The following GRK7 variants were observed in gnomAD, a reference collection of about 807,000 sequenced individuals.
The protein encoded by GRK7 is rhodopsin kinase GRK7.
A neutral mutation model predicts 34.1 loss-of-function variants in GRK7; 24 were observed. The ratio of observed to expected loss-of-function variants is 0.70; its 90% CI spans 0.51 to 0.99. GRK7 has a LOEUF of 0.99. Ranked by LOEUF, GRK7 falls within the 50% of genes least tolerant of loss-of-function variation. The pLI, the probability that GRK7 is intolerant of heterozygous loss-of-function variation, is 0.00. For missense variants in GRK7, 644 were observed against 707.3 expected (o/e 0.91, Z 1.02); for synonymous variants, 256 against 279.4 (o/e 0.92, Z 0.84).
chr3:141,757,123 CTTCTTCTTTT>C, the GRK7 span, among the ~76,000 whole-genome samples: 10 of 109,884 alleles, frequency 9.1e-5, no homozygotes, highest in East Asian at 1.4e-3. Context: ...ACGCTTAGAT[CTTCTTCTTTT>C]TTTTTTTTTT....
chr3:141,781,688 T>C (rs868034309), intron 4 of GRK7, among the ~76,000 whole-genome samples: 1 of 152,220 alleles, frequency 6.6e-6, no homozygotes, highest in Non-Finnish European at 1.5e-5. Context: ...TGGATGAAGA[T>C]GATATTTTAA....
At chr3:141,805,125 T>TAC (rs1711016885) in intron 4 of GRK7, among the ~76,000 whole-genome samples, 1 of 151,450 alleles carries the variant, frequency 6.6e-6, no homozygotes, top group African/African-American at 2.4e-5. Flanking sequence ...CACAATCAGA[T>TAC]ACACACACAT....
At chr3:141,775,613 G>A (rs1297260006) in intron 2 of GRK7, among the ~76,000 whole-genome samples, 1 of 152,024 alleles carries the variant, frequency 6.6e-6, no homozygotes, top group Non-Finnish European at 1.5e-5. Context: ...TGCCTGGTTT[G>A]AATTGAAATG....
intron 4 of GRK7, among the ~76,000 whole-genome samples, chr3:141,788,702 G>C (rs977159763): frequency 3.9e-5 from 6 of 152,206 alleles, no homozygotes; most frequent in African/African-American, 1.4e-4. Context: ...TGGCCTGGGA[G>C]GCTGAAACCT....
the GRK7 span, among the ~76,000 whole-genome samples, chr3:141,754,007 T>C: frequency 6.6e-5 from 10 of 152,228 alleles, no homozygotes; most frequent in Non-Finnish European, 1.3e-4. Flanking sequence ...ATTATGTCTT[T>C]GATAAAGCCA....
At chr3:141,801,920 GA>G (rs374463196) in intron 4 of GRK7, among the ~76,000 whole-genome samples, 25 of 151,960 alleles carry the variant, frequency 1.6e-4, no homozygotes, top group Non-Finnish European at 2.4e-4. Flanking sequence ...AAGAATTGGG[GA>G]AAAAAATGGG....
upstream of GRK7, among the ~76,000 whole-genome samples, chr3:141,763,121 C>T (rs1412638514): frequency 6.6e-6 from 1 of 152,228 alleles, no homozygotes; most frequent in Non-Finnish European, 1.5e-5. Flanking sequence ...TAGACCGGAG[C>T]TGTTCCTATT....
chr3:141,778,172 G>A lies in GRK7; in HGVS notation c.-113G>A. The A allele has an allele frequency of 7.4e-7, 1 of 1,349,804 alleles. No homozygotes were observed. The highest frequency in any genetic ancestry group is 1.5e-5 in the South Asian group (1 of 68,172). The allele number at this position is 1,349,804 out of a possible 1,614,324, so 83.6% of individuals were successfully genotyped here. On this transcript the variant is annotated splice_region_variant and 5_prime_UTR_variant, in exon 3 of 6. Coordinates refer to ENST00000682958, the MANE Select transcript of GRK7 (RefSeq NM_139209.3). This position sits in a 1 kb window ranked among gnomAD's most constrained non-coding sequence, Gnocchi z 4.1. ...CACCCTCCACGGGTCCCACCCACAG[G>A]CCACAGGACTCACTGTAAATCCCTT...
intron 3 of GRK7, among the ~76,000 whole-genome samples, chr3:141,779,679 C>T (rs1320679350): frequency 6.6e-6 from 1 of 152,172 alleles, no homozygotes; most frequent in Non-Finnish European, 1.5e-5. Context: ...ATTAATAGTG[C>T]CTCCCCATCC....
chr3:141,813,262 A>G (rs1005864241), intron 5 of GRK7, among the ~76,000 whole-genome samples: 2 of 152,092 alleles, frequency 1.3e-5, no homozygotes, highest in African/African-American at 2.4e-5. Flanking sequence ...AGTAACTGGG[A>G]TTATAGGCAT....
intron 4 of GRK7, among the ~76,000 whole-genome samples, chr3:141,788,415 G>A (rs1339891187): frequency 2.0e-5 from 3 of 151,922 alleles, no homozygotes; most frequent in Admixed American, 2.0e-4. Flanking sequence ...GCTGGGTCCT[G>A]GGCTCTAAAC....
intron 4 of GRK7, among the ~76,000 whole-genome samples, chr3:141,798,895 T>C (rs1157565137): frequency 6.6e-6 from 1 of 152,040 alleles, no homozygotes; most frequent in African/African-American, 2.4e-5. Context: ...GACCAAGAGG[T>C]GAATTTAGTC....
chr3:141,810,108 T>C (rs924785159), intron 5 of GRK7, among the ~76,000 whole-genome samples: 6 of 152,316 alleles, frequency 3.9e-5, no homozygotes, highest in African/African-American at 1.4e-4. Flanking sequence ...AAAGCCTTAA[T>C]AAGAAAAGAC....
rs1329739073 is a variant in GRK7, at chr3:141,763,861, C to A, written c.-2092C>A. On this transcript the variant is annotated 5_prime_UTR_variant, in exon 1 of 6. Transcript: ENST00000682958. ...TTACACCAACAAAATTTCCTCCGTCCTCTTCCCTTCCCTACAAATTCCCTC... is the reference window on the plus strand; with the variant it reads ...TTACACCAACAAAATTTCCTCCGTCATCTTCCCTTCCCTACAAATTCCCTC... 6.6e-6 allele frequency among the ~76,000 whole-genome samples: 1 copy of A among 152,054 alleles called. No homozygotes were observed. The highest frequency in any genetic ancestry group is 1.5e-5 in the Non-Finnish European group (1 of 68,016).
intron 4 of GRK7, among the ~76,000 whole-genome samples, chr3:141,801,242 C>T (rs1267016163): frequency 2.2e-5 from 3 of 133,534 alleles, no homozygotes; most frequent in Non-Finnish European, 3.1e-5. Flanking sequence ...ACCTGGGAGG[C>T]GGAGCTTGCA....
chr3:141,754,771 A>T, the GRK7 span, among the ~76,000 whole-genome samples: 1 of 152,246 alleles, frequency 6.6e-6, no homozygotes, highest in East Asian at 1.9e-4. Context: ...TTAACAATTA[A>T]CAATTGCTGA....
intron 4 of GRK7, among the ~76,000 whole-genome samples, chr3:141,797,312 C>T (rs1217463116): frequency 6.6e-6 from 1 of 152,170 alleles, no homozygotes; most frequent in Non-Finnish European, 1.5e-5. Flanking sequence ...GACACTGCGG[C>T]GCTCCTGATT....
intron 1 of GRK7, among the ~76,000 whole-genome samples, chr3:141,771,739 C>T (rs896414308): frequency 6.6e-6 from 1 of 152,070 alleles, no homozygotes; most frequent in African/African-American, 2.4e-5. Context: ...GGCTGGAGAG[C>T]AGTGGCGCAA....
intron 4 of GRK7, among the ~76,000 whole-genome samples, chr3:141,785,118 C>A (rs1381780959): frequency 6.6e-6 from 1 of 152,162 alleles, no homozygotes; most frequent in Non-Finnish European, 1.5e-5. Context: ...CAAGTTAAGA[C>A]AGAAGAGGTA....
Sources: allele counts gnomAD v4.1 joint callset (sites outside exome capture counted in the v4.1 genomes callset), GRCh38; gene constraint gnomAD v4.1.1; non-coding constraint Gnocchi (gnomAD v3.1); transcripts MANE v1.5; gene names NCBI Gene and HGNC (gene_info 2026-07-23, HGNC 2026-07-21).